ANXA10: variants seen among roughly 807,000 people sequenced by gnomAD.
ANXA10 encodes annexin 14.
Under a neutral mutation model 53.5 loss-of-function variants are expected in ANXA10, and 49 were observed. The observed-to-expected ratio is 0.92, with a 90% CI of 0.73 to 1.16. The LOEUF (loss-of-function observed/expected upper bound fraction) is 1.16. Among genes scored for constraint, ANXA10 ranks in the 50% most tolerant of loss-of-function variants. The pLI is 0.00. For missense variants in ANXA10, 393 were observed against 394.4 expected, an observed-to-expected ratio of 1.00 and a Z score of 0.03; for synonymous variants, 131 against 128.9, an observed-to-expected ratio of 1.02 and a Z score of -0.11.
intron 3 of ANXA10, among the ~76,000 whole-genome samples, chr4:168,154,106 TATC>T (rs942020877): frequency 3.3e-5 from 5 of 151,972 alleles, no homozygotes; most frequent in South Asian, 2.1e-4. Context: ...AGTACAAAAA[TATC>T]ATATGTAAAG....
intron 6 of ANXA10, among the ~76,000 whole-genome samples, chr4:168,167,285 A>G (rs1403628074): frequency 6.6e-6 from 1 of 152,160 alleles, no homozygotes; most frequent in African/African-American, 2.4e-5. Flanking sequence ...ATGATGGTGC[A>G]AAACTGCTGC....
chr4:168,138,293 C>T (rs903190420), intron 2 of ANXA10, among the ~76,000 whole-genome samples: 6 of 151,906 alleles, frequency 3.9e-5, no homozygotes, highest in African/African-American at 1.2e-4. Context: ...TTCTGACTGA[C>T]GTAAGATGGT....
intron 1 of ANXA10, among the ~76,000 whole-genome samples, chr4:168,120,239 C>T (rs1243865071): frequency 6.6e-6 from 1 of 151,946 alleles, no homozygotes; most frequent in African/African-American, 2.4e-5. Context: ...AGCCTCGAAC[C>T]TAGAAATAGT....
chr4:168,147,325 G>A (rs1248433615), intron 3 of ANXA10, among the ~76,000 whole-genome samples: 2 of 152,188 alleles, frequency 1.3e-5, no homozygotes, highest in African/African-American at 2.4e-5. Flanking sequence ...TAGCAGGCCA[G>A]TAGCTGCTTT....
rs571387374 is a variant in ANXA10 at position 168,114,344 on chromosome 4, G to A, written c.19-13740G>A. Reference sequence around the variant, plus strand: ...GCTGGAGTGCAGTGGTGCAGTCTTGGCTCACTGCCACCTCCACCTCCCAGG... The same window carrying A: ...GCTGGAGTGCAGTGGTGCAGTCTTGACTCACTGCCACCTCCACCTCCCAGG... On this transcript the variant is annotated intron_variant, in intron 1 of 11. Transcript: ENST00000359299. 6.7e-4 allele frequency among the ~76,000 whole-genome samples: 102 copies of A among 152,116 alleles called. 1 individual carries two copies. The highest frequency in any genetic ancestry group is 2.1e-3 in the African/African-American group (86 of 41,482).
intron 2 of ANXA10, among the ~76,000 whole-genome samples, chr4:168,135,446 G>C (rs925184080): frequency 6.6e-6 from 1 of 152,156 alleles, no homozygotes; most frequent in Non-Finnish European, 1.5e-5. Context: ...AAAATTGCAT[G>C]TTTTCTAAAA....
chr4:168,179,377 G>C (rs1732195928), intron 9 of ANXA10, 65 bp downstream of exon 9: 1 of 1,145,674 alleles, frequency 8.7e-7, no homozygotes, highest in African/African-American at 1.5e-5. Context: ...GAGTGGCTCT[G>C]ATTGAACTAA....
At chr4:168,123,627 A>G (rs544082875) in intron 1 of ANXA10, among the ~76,000 whole-genome samples, 13 of 152,280 alleles carry the variant, frequency 8.5e-5, no homozygotes, top group African/African-American at 2.6e-4. Context: ...GAGTGATGCC[A>G]AGACTAACAG....
intron 1 of ANXA10, among the ~76,000 whole-genome samples, chr4:168,094,509 A>T (rs1349039731): frequency 6.6e-6 from 1 of 152,116 alleles, no homozygotes; most frequent in Admixed American, 6.5e-5. Context: ...CTTTAATCGG[A>T]TGTTCTCAAG....
Position 168,165,094 on chromosome 4 carries a change from T to C in ANXA10, c.401-153T>C. 2 of 418,552 alleles carry C rather than the reference T, an allele frequency of 4.8e-6. 1 individual carries two copies. Among genetic ancestry groups the C allele is most frequent in the South Asian group, 1.5e-4 (2 of 13,302 alleles). 25.9% of individuals were successfully genotyped at this position (418,552 alleles called of 1,614,324 possible). A position where few individuals can be genotyped will look rare whatever the true frequency, so the allele number is the denominator to read the frequency against. ...TGTTACCATTAGGTGACAGAATTCT[T>C]TGGCAGACGGTTTATTGACAAAGAA... On this transcript the variant is annotated intron_variant, in intron 5 of 11. Transcript: ENST00000359299.
chr4:168,139,653 A>ATTTT, intron 3 of ANXA10, 73 bp downstream of exon 3: 1 of 1,081,742 alleles, frequency 9.2e-7, no homozygotes, highest in Non-Finnish European at 1.3e-6. Context: ...GATAATAGGT[A>ATTTT]TTTTTTTTTT....
At chr4:168,171,830 T>A (rs999908153) in intron 6 of ANXA10, among the ~76,000 whole-genome samples, 6 of 152,156 alleles carry the variant, frequency 3.9e-5, no homozygotes, top group Non-Finnish European at 8.8e-5. Flanking sequence ...GATTAATTAA[T>A]CAATATGTGC....
intron 3 of ANXA10, among the ~76,000 whole-genome samples, chr4:168,157,079 A>C (rs1040204532): frequency 2.8e-5 from 4 of 142,664 alleles, no homozygotes; most frequent in Admixed American, 2.1e-4. Context: ...GAAACCAGTG[A>C]TCTAGTGGTA....
chr4:168,139,446 G>A, intron 2 of ANXA10, 40 bp from the exon 3 acceptor site: 1 of 1,560,482 alleles, frequency 6.4e-7, no homozygotes, highest in Non-Finnish European at 8.8e-7. Flanking sequence ...CAACTACAAA[G>A]TAGCAACTTT....
intron 1 of ANXA10, among the ~76,000 whole-genome samples, chr4:168,108,676 G>A (rs1327524776): frequency 6.6e-6 from 1 of 152,134 alleles, no homozygotes; most frequent in Non-Finnish European, 1.5e-5. Flanking sequence ...ATAAACTCTG[G>A]GAGCGCAACA....
chr4:168,141,771 T>C (rs567963657), intron 3 of ANXA10, among the ~76,000 whole-genome samples: 2 of 152,256 alleles, frequency 1.3e-5, no homozygotes, highest in East Asian at 3.9e-4. Context: ...TGGGTTTTTA[T>C]AACATTGGAT....
In ANXA10 at chr4:168,179,243, G is replaced by C. The variant is rs1367413998; in HGVS notation, c.655G>C (p.Gly219Arg). 1 of 1,610,024 alleles carries C rather than the reference G, an allele frequency of 6.2e-7. No individual in the cohort carries two copies. The highest frequency in any genetic ancestry group is 8.5e-7 in the Non-Finnish European group (1 of 1,178,378). ...LVFQEFQNIS[G>R]QDMVDAINEC... Reference sequence around the variant, plus strand: ...TTTCCAGGAATTTCAAAATATTTCTGGGCAAGATATGGTAGATGCCATTAA... The same window carrying C: ...TTTCCAGGAATTTCAAAATATTTCTCGGCAAGATATGGTAGATGCCATTAA... The change falls in exon 9 of 12, where the codon GGG becomes CGG. Residue 219 changes from glycine to arginine, a missense_variant. Coordinates refer to ENST00000359299, the MANE Select transcript of ANXA10 (RefSeq NM_007193.5).
Position 168,187,199 on chromosome 4 carries a change from T to C in ANXA10, c.907-167T>C, listed in dbSNP as rs138259549. ...GAGCATTATTCTTCAACAACTTTCATTGGGAGCAGTACTTAGGGCATGTTA... is the reference window on the plus strand; with the variant it reads ...GAGCATTATTCTTCAACAACTTTCACTGGGAGCAGTACTTAGGGCATGTTA... On this transcript the variant is annotated intron_variant, in intron 11 of 11. Transcript: ENST00000359299. Among the ~76,000 whole-genome samples the C allele has an allele frequency of 7.6e-3, 1,156 of 152,260 alleles. 8 individuals are homozygous for C. Among genetic ancestry groups the C allele is most frequent in the African/African-American group, 0.024 (1,004 of 41,544 alleles).
chr4:168,165,960 A>G (rs2149477887), intron 6 of ANXA10, among the ~76,000 whole-genome samples: 1 of 152,330 alleles, frequency 6.6e-6, no homozygotes, highest in South Asian at 2.1e-4. Context: ...TACAGGCGTG[A>G]GCCACCATGC....
Sources: gnomAD v4.1 joint callset for allele counts (sites outside exome capture counted in the v4.1 genomes callset) on GRCh38, gnomAD v4.1.1 for gene constraint, MANE v1.5 for transcripts, NCBI Gene and HGNC (gene_info 2026-07-23, HGNC 2026-07-21) for gene names.